Variants in MKX observed in about 807,000 individuals in gnomAD.
The protein encoded by MKX is mohawk homeobox.
In MKX, 13 loss-of-function variants were observed where a neutral mutation model predicts 36.0. That is an observed-to-expected ratio of 0.36 (90% confidence interval 0.24 to 0.57). The LOEUF is 0.57. Ranked by LOEUF, MKX falls within the 20% of genes least tolerant of loss-of-function variation. The pLI, the probability that MKX is intolerant of heterozygous loss-of-function variation, is 0.79. For synonymous variants in MKX, 176 were observed against 178.3 expected, an observed-to-expected ratio of 0.99 and a Z score of 0.10; for missense variants, 458 against 456.4, an observed-to-expected ratio of 1.00 and a Z score of -0.03.
intron 5 of MKX, among the ~76,000 whole-genome samples, chr10:27,703,669 C>T (rs889498127): frequency 3.3e-5 from 5 of 151,972 alleles, no homozygotes; most frequent in African/African-American, 4.8e-5. Flanking sequence ...GAGGCCGTAG[C>T]GGGCGGATCA....
chr10:27,741,191 G>T lies in MKX; in HGVS notation c.348+154C>A, dbSNP rs1589700027. Among the ~76,000 whole-genome samples the T allele has an allele frequency of 6.6e-6, 1 of 152,330 alleles. No individual in the cohort carries two copies. Among genetic ancestry groups the T allele is most frequent in the South Asian group, 2.1e-4 (1 of 4,824 alleles). On this transcript the variant is annotated intron_variant, in intron 3 of 6. Coordinates refer to ENST00000419761, the MANE Select transcript of MKX (RefSeq NM_173576.3). The surrounding 1 kb of genome is among the most constrained non-coding windows in gnomAD (Gnocchi z 5.1). ...ACGGAGCATCTGCACTGAACTGAGG[G>T]ATGAGGGTGAGAGGTAATTCAGAAA...
At chr10:27,703,330 G>T (rs749559458) in intron 5 of MKX, among the ~76,000 whole-genome samples, 1 of 152,114 alleles carries the variant, frequency 6.6e-6, no homozygotes, top group African/African-American at 2.4e-5. Context: ...GTAAATCAGA[G>T]AAATTAAATG....
At position 27,743,492 on chromosome 10, in the gene MKX, C is replaced by T. The variant is rs1834969251; in HGVS notation, c.-77G>A. The T allele has an allele frequency of 4.3e-6, 6 of 1,407,834 alleles. No homozygotes were observed. The South Asian group carries it at 4.4e-5, about 10-fold the overall frequency. The allele number at this position is 1,407,834 out of a possible 1,614,324, so 87.2% of individuals were successfully genotyped here. On this transcript the variant is annotated 5_prime_UTR_variant, in exon 2 of 7. Coordinates refer to ENST00000419761, the MANE Select transcript of MKX (RefSeq NM_173576.3). ...CCGCCGGGAGCTCCGCAGCGGGGCTCGGCTTCTAGGAGAGGAAGGTGCATC... is the reference window on the plus strand; with the variant it reads ...CCGCCGGGAGCTCCGCAGCGGGGCTTGGCTTCTAGGAGAGGAAGGTGCATC...
Position 27,726,432 on chromosome 10 carries a change from T to A in MKX, c.838+8024A>T, listed in dbSNP as rs1312419927. Reference sequence around the variant, plus strand: ...TTAGATCTGTGCTTTATTTCTTAAGTCTCACCTCCAAAGTAGTAGTATGCT... The same window carrying A: ...TTAGATCTGTGCTTTATTTCTTAAGACTCACCTCCAAAGTAGTAGTATGCT... On this transcript the variant is annotated intron_variant, in intron 5 of 6. Transcript: ENST00000419761. 8.5e-5 allele frequency among the ~76,000 whole-genome samples: 13 copies of A among 152,304 alleles called. No individual in the cohort carries two copies. In the East Asian group the frequency reaches 2.5e-3, roughly 29 times the overall value.
rs929813219 is a variant in MKX, at chr10:27,681,375, G to A, written c.839-5821C>T. On this transcript the variant is annotated intron_variant, in intron 5 of 6. Coordinates refer to ENST00000419761, the MANE Select transcript of MKX (RefSeq NM_173576.3). ...GAGGTGGGAGAATTGCTGGAACCCC[G>A]CAGGCGGAGGTTGCAGTGAGCCAAG... Among the ~76,000 whole-genome samples, 14 of 152,194 alleles carry A rather than the reference G, an allele frequency of 9.2e-5. No individual in the cohort carries two copies. The East Asian group carries it at 9.7e-4, about 11-fold the overall frequency.
In MKX at chr10:27,681,217, C is replaced by T. The variant is rs191154953; in HGVS notation, c.839-5663G>A. Among the ~76,000 whole-genome samples the T allele has an allele frequency of 5.0e-3, 763 of 151,676 alleles. 3 individuals are homozygous for T. The highest frequency in any genetic ancestry group is 0.018 in the African/African-American group (725 of 41,346). ...ATCTCAGCACTTTGGGAGGCTGAGG[C>T]GGGTGAATCACTTGAGTTCAGGAGT... On this transcript the variant is annotated intron_variant, in intron 5 of 6. Transcript: ENST00000419761.
At chr10:27,697,780 C>T (rs979427289) in intron 5 of MKX, among the ~76,000 whole-genome samples, 46 of 152,084 alleles carry the variant, frequency 3.0e-4, no homozygotes, top group African/African-American at 9.7e-4. Context: ...TTGTGGTGAA[C>T]GAATGGTATA....
chr10:27,722,284 C>A, intron 5 of MKX, among the ~76,000 whole-genome samples: 1 of 152,158 alleles, frequency 6.6e-6, no homozygotes, highest in East Asian at 1.9e-4. Context: ...TTTACTGGTG[C>A]CATGCTCCCC....
At chr10:27,733,165 G>T (rs747535978) in intron 5 of MKX, among the ~76,000 whole-genome samples, 2 of 152,170 alleles carry the variant, frequency 1.3e-5, no homozygotes, top group African/African-American at 2.4e-5. Flanking sequence ...TATTGTTGGA[G>T]TTGGTGATGC....
intron 5 of MKX, among the ~76,000 whole-genome samples, chr10:27,701,664 A>G (rs1159022079): frequency 2.1e-5 from 3 of 145,222 alleles, no homozygotes; most frequent in East Asian, 2.0e-4. Context: ...ATATATTAAT[A>G]TGTTATTTTA....
Position 27,734,610 on chromosome 10 carries a change from A to C in MKX, c.684T>G (p.Asn228Lys). 1 of 1,614,228 alleles carries C rather than the reference A, an allele frequency of 6.2e-7. No individual in the cohort carries two copies. The highest frequency in any genetic ancestry group is 1.1e-5 in the South Asian group (1 of 91,084). ...YKSSLLNRYL[N>K]DSLRHVMATN... ...TGGCCATGACATGTCTCAAAGAGTCATTAAGGTAACGGTTCAACAAGCTGC... is the reference window on the plus strand; with the variant it reads ...TGGCCATGACATGTCTCAAAGAGTCCTTAAGGTAACGGTTCAACAAGCTGC... The change falls in exon 5 of 7, where the codon AAT (asparagine) becomes AAG (lysine). Residue 228 changes from asparagine (N) to lysine (K), a missense_variant. Coordinates refer to ENST00000419761, the MANE Select transcript of MKX (RefSeq NM_173576.3).
chr10:27,720,277 G>A (rs1165601947), intron 5 of MKX, among the ~76,000 whole-genome samples: 1 of 150,860 alleles, frequency 6.6e-6, no homozygotes, highest in East Asian at 1.9e-4. Flanking sequence ...CATTCAATAA[G>A]CCTAACATAA....
At chr10:27,704,802 T>A (rs951769601) in intron 5 of MKX, among the ~76,000 whole-genome samples, 2 of 152,182 alleles carry the variant, frequency 1.3e-5, no homozygotes, top group African/African-American at 4.8e-5. Context: ...ATGAGGAAGT[T>A]CTCGCTATCA....
chr10:27,726,599 G>A (rs1297995242), intron 5 of MKX, among the ~76,000 whole-genome samples: 1 of 151,262 alleles, frequency 6.6e-6, no homozygotes, highest in African/African-American at 2.4e-5. Context: ...TTTCATCCTT[G>A]CATTTCTCTG....
At chr10:27,706,048 C>A (rs1035175568) in intron 5 of MKX, among the ~76,000 whole-genome samples, 9 of 152,144 alleles carry the variant, frequency 5.9e-5, no homozygotes, top group Non-Finnish European at 1.3e-4. Flanking sequence ...CTCCCTCCCC[C>A]AGCCCTGAGT....
chr10:27,703,270 C>G (rs1836692356), intron 5 of MKX, among the ~76,000 whole-genome samples: 2 of 152,174 alleles, frequency 1.3e-5, no homozygotes, highest in Non-Finnish European at 2.9e-5. Context: ...AACCTTGAAA[C>G]AGCCCTGGGA....
intron 5 of MKX, among the ~76,000 whole-genome samples, chr10:27,720,087 CTG>C (rs1834343066): frequency 6.7e-6 from 1 of 150,180 alleles, no homozygotes; most frequent in Non-Finnish European, 1.5e-5. Flanking sequence ...AAAGCTAAAA[CTG>C]TTCAGAAAAT....
intron 5 of MKX, among the ~76,000 whole-genome samples, chr10:27,730,204 A>G (rs1393053243): frequency 2.0e-5 from 3 of 152,246 alleles, no homozygotes; most frequent in Non-Finnish European, 1.5e-5. Context: ...ACTGCTGTCA[A>G]AAATGTTTCA....
At chr10:27,726,532 C>T (rs1030477148) in intron 5 of MKX, among the ~76,000 whole-genome samples, 1 of 152,042 alleles carries the variant, frequency 6.6e-6, no homozygotes. Flanking sequence ...ATTTGTCTAT[C>T]GGCTGTGCTT....
Sources: gnomAD v4.1 joint callset for allele counts (sites outside exome capture counted in the v4.1 genomes callset) on GRCh38, gnomAD v4.1.1 for gene constraint, Gnocchi (gnomAD v3.1) non-coding constraint, MANE v1.5 for transcripts, NCBI Gene and HGNC (gene_info 2026-07-23, HGNC 2026-07-21) for gene names.